The following ERBB2 variants were observed in gnomAD, a reference collection of about 807,000 sequenced individuals.
ERBB2 encodes erb-b2 receptor tyrosine kinase 2.
ERBB2 carries 61 observed loss-of-function variants against 149.0 expected under a neutral mutation model. That is an observed-to-expected ratio of 0.41 (90% CI 0.33 to 0.51). The LOEUF is 0.51. ERBB2 is among the 20% of genes least tolerant of loss of function. ERBB2 has a pLI of 0.25. For synonymous variants in ERBB2, 633 were observed against 678.8 expected (o/e 0.93, Z 1.05); for missense variants, 1,205 against 1,655.1 (o/e 0.73, Z 4.72).
At chr17:39,694,324 C>T (rs1270064082), upstream of ERBB2, among the ~76,000 whole-genome samples, 11 of 110,862 alleles carry the variant, frequency 9.9e-5, 1 homozygote, top group South Asian at 5.9e-4. Context: ...TACACACACA[C>T]ATATATATGT....
At chr17:39,717,212 CT>C (rs1354151727) in intron 14 of ERBB2, 107 bp from the exon 15 acceptor site, 2 of 886,926 alleles carry the variant, frequency 2.3e-6, no homozygotes, top group African/African-American at 3.4e-5. Context: ...GCGAAAATTG[CT>C]GCTGGGTGGC....
intron 9 of ERBB2, among the ~76,000 whole-genome samples, chr17:39,714,262 C>A (rs2058988221): frequency 6.6e-6 from 1 of 152,088 alleles, no homozygotes; most frequent in Admixed American, 6.6e-5. Flanking sequence ...ACTGTCTGCA[C>A]CTTGCTTTGA....
chr17:39,691,894 GATATAGATATAT>G (rs1490082157), upstream of ERBB2, among the ~76,000 whole-genome samples: 13 of 126,590 alleles, frequency 1.0e-4, no homozygotes, highest in African/African-American at 3.9e-4. Flanking sequence ...TATAGATATA[GATATAGATATAT>G]ATACATATAC....
chr17:39,700,264 G>T lies in ERBB2; in HGVS notation c.26G>T (p.Trp9Leu). The T allele has an allele frequency of 6.9e-7, 1 of 1,440,876 alleles. No homozygotes were observed. The allele number at this position is 1,440,876 out of a possible 1,614,324, so 89.3% of individuals were successfully genotyped here. A position where few individuals can be genotyped will look rare whatever the true frequency, so the allele number is the denominator to read the frequency against. The change falls in exon 1 of 27, where the codon TGG becomes TTG. Residue 9 changes from tryptophan (W) to leucine (L), a missense_variant. Transcript: ENST00000269571. MELAALCRWGLLLALLPPG... is the reference protein window; with the variant it reads MELAALCRLGLLLALLPPG... ...ATGGAGCTGGCGGCCTTGTGCCGCTGGGGGCTCCTCCTCGCCCTCTTGCCC... is the reference window on the plus strand; with the variant it reads ...ATGGAGCTGGCGGCCTTGTGCCGCTTGGGGCTCCTCCTCGCCCTCTTGCCC...
intron 16 of ERBB2, among the ~76,000 whole-genome samples, chr17:39,721,506 TCA>T (rs2059451883): frequency 6.6e-6 from 1 of 152,068 alleles, no homozygotes; most frequent in Non-Finnish European, 1.5e-5. Flanking sequence ...ACTGCTGACC[TCA>T]GGTGATCCAC....
In ERBB2 at chr17:39,727,063, T is replaced by TA. The variant is rs2143201327; in HGVS notation, c.3159+61dup. ...CTTACCTCCCCCAACCCCGGTGGAC[T>TA]AGGGTCCCTTTCTCTGATGTTCCCT... is the stretch of plus-strand genomic sequence containing the variant. On this transcript the variant is annotated intron_variant, in intron 25 of 26. Coordinates refer to ENST00000269571, the MANE Select transcript of ERBB2 (RefSeq NM_004448.4). The surrounding 1 kb of genome is among the most constrained non-coding windows in gnomAD (Gnocchi z 4.3). The TA allele has an allele frequency of 7.0e-7, 1 of 1,438,500 alleles. No individual in the cohort carries two copies. Among genetic ancestry groups the TA allele is most frequent in the Non-Finnish European group, 9.4e-7 (1 of 1,065,754 alleles). The allele number at this position is 1,438,500 out of a possible 1,614,324, so 89.1% of individuals were successfully genotyped here. A position where few individuals can be genotyped will look rare whatever the true frequency, so the allele number is the denominator to read the frequency against.
rs775687641 is a variant in ERBB2 at position 39,728,032 on chromosome 17, C to G, written c.3756C>G (p.Asp1252Glu). The G allele has an allele frequency of 1.3e-6, 2 of 1,590,740 alleles. No homozygotes were observed. The highest frequency in any genetic ancestry group is 1.7e-6 in the Non-Finnish European group (2 of 1,169,466). Residue 1252 changes from aspartate (D) to glutamate (E), a missense_variant, in exon 27 of 27, where the codon GAC becomes GAG. Physicochemically the swap from Asp to Glu is conservative, Grantham distance 45. Transcript: ENST00000269571. ...TAENPEYLGL[D>E]VPV The stretch of plus-strand genomic sequence containing the variant: ...AGAACCCAGAGTACCTGGGTCTGGA[C>G]GTGCCAGTGTGAACCAGAAGGCCAA...
Position 39,712,305 on chromosome 17 carries a change from C to A in ERBB2, c.1022-17C>A, listed in dbSNP as rs4252626. On this transcript the variant is annotated splice_polypyrimidine_tract_variant and intron_variant, in intron 8 of 26. Transcript: ENST00000269571. Reference sequence around the variant, plus strand: ...AGGCTGAGACGGCCCCTTCCCCACCCACCCCCACCTCCTCAGTGTGCTATG... The same window carrying A: ...AGGCTGAGACGGCCCCTTCCCCACCAACCCCCACCTCCTCAGTGTGCTATG... 1 of 1,612,770 alleles carries A rather than the reference C, an allele frequency of 6.2e-7. No individual in the cohort carries two copies. Among genetic ancestry groups the A allele is most frequent in the South Asian group, 1.1e-5 (1 of 90,898 alleles).
rs953143516 is a variant in ERBB2, at chr17:39,727,351, G to C, written c.3216G>C (p.Arg1072Ser). ...AGCCCTCTGAAGAGGAGGCCCCCAGGTCTCCACTGGCACCCTCCGAAGGGG... is the reference window on the plus strand; with the variant it reads ...AGCCCTCTGAAGAGGAGGCCCCCAGCTCTCCACTGGCACCCTCCGAAGGGG... ...GLEPSEEEAP[R>S]SPLAPSEGAG... Residue 1072 changes from arginine to serine, a missense_variant, in exon 26 of 27, where the codon AGG becomes AGC. Arg to Ser is a moderately radical substitution (Grantham distance 110, BLOSUM62 -1). This residue lies in a region of ERBB2 where 312 missense variants were observed against 343.8 expected (regional missense o/e 0.91). Transcript: ENST00000269571. This position sits in a 1 kb window ranked among gnomAD's most constrained non-coding sequence, Gnocchi z 4.3. 1 of 1,612,090 alleles carries C rather than the reference G, an allele frequency of 6.2e-7. No homozygotes were observed. The highest frequency in any genetic ancestry group is 1.3e-5 in the African/African-American group (1 of 74,748).
chr17:39,709,660 C>T (rs1188899045), intron 4 of ERBB2, among the ~76,000 whole-genome samples, 153 bp from the exon 5 acceptor site: 2 of 152,220 alleles, frequency 1.3e-5, no homozygotes, highest in East Asian at 3.8e-4. Flanking sequence ...GGTTGTGCCT[C>T]TGGTTTGGGG....
rs2145672949 is a variant in ERBB2, at chr17:39,716,287, C to T, written c.1514-14C>T. 6.4e-7 allele frequency: 1 copy of T among 1,571,840 alleles called. No individual in the cohort carries two copies. Among genetic ancestry groups the T allele is most frequent in the Non-Finnish European group, 8.6e-7 (1 of 1,162,262 alleles). On this transcript the variant is annotated splice_polypyrimidine_tract_variant and intron_variant, in intron 12 of 26. Coordinates refer to ENST00000269571, the MANE Select transcript of ERBB2 (RefSeq NM_004448.4). Reference sequence around the variant, plus strand: ...CCCTAAAAGTCCCCTGCGGTCCCTTCCTCCTCACTGCAGTGGGCGAGGGCC... The same window carrying T: ...CCCTAAAAGTCCCCTGCGGTCCCTTTCTCCTCACTGCAGTGGGCGAGGGCC...
chr17:39,726,384 G>C lies in ERBB2; in HGVS notation c.2873-178G>C. 1 of 602,038 alleles carries C rather than the reference G, an allele frequency of 1.7e-6. No homozygotes were observed. The highest frequency in any genetic ancestry group is 2.1e-5 in the South Asian group (1 of 48,144). The allele number at this position is 602,038 out of a possible 1,614,324, so 37.3% of individuals were successfully genotyped here. A position where few individuals can be genotyped will look rare whatever the true frequency, so the allele number is the denominator to read the frequency against. ...AAAAAAAAAATTAAAAGGGAAACTA[G>C]AAGAGATGCCAAAGGTTCTGGCTGA... On this transcript the variant is annotated intron_variant, in intron 23 of 26. Coordinates refer to ENST00000269571, the MANE Select transcript of ERBB2 (RefSeq NM_004448.4). The surrounding 1 kb of genome is among the most constrained non-coding windows in gnomAD (Gnocchi z 5.1).
Position 39,723,719 on chromosome 17 carries a change from T to C in ERBB2, c.2208+59T>C, listed in dbSNP as rs1597884693. The stretch of plus-strand genomic sequence containing the variant: ...AGGATGGGGGCGGTGCCTGGAGGGG[T>C]GTGGTCGGCAGTTCTGATGGGAGGG... On this transcript the variant is annotated intron_variant, in intron 18 of 26. Transcript: ENST00000269571. This position sits in a 1 kb window ranked among gnomAD's most constrained non-coding sequence, Gnocchi z 6.2. 3.2e-6 allele frequency: 5 copies of C among 1,565,410 alleles called. No individual in the cohort carries two copies. The highest frequency in any genetic ancestry group is 4.3e-6 in the Non-Finnish European group (5 of 1,154,608).
upstream of ERBB2, among the ~76,000 whole-genome samples, chr17:39,691,934 C>CATATACATAT (rs564472045): frequency 8.4e-3 from 1,017 of 120,820 alleles, 17 homozygotes; most frequent in Middle Eastern, 0.07. Context: ...TATACATATA[C>CATATACATAT]ATATATATAT....
In ERBB2 at chr17:39,725,834, C is replaced by A. The variant is rs2059725086; in HGVS notation, c.2853C>A (p.Val951=). 1.9e-6 allele frequency: 3 copies of A among 1,613,942 alleles called. No individual in the cohort carries two copies. The highest frequency in any genetic ancestry group is 2.5e-6 in the Non-Finnish European group (3 of 1,179,954). Residue 951 remains valine, a synonymous_variant, in exon 23 of 27, where the codon GTC becomes GTA. Transcript: ENST00000269571. This position sits in a 1 kb window ranked among gnomAD's most constrained non-coding sequence, Gnocchi z 4.6. ...AGCCCCCCATCTGCACCATTGATGT[C>A]TACATGATCATGGTCAAATGTGCGT... ...LPQPPICTID[V]YMIMVKCWMI...
At chr17:39,716,861 C>A in intron 14 of ERBB2, 1 of 534,036 alleles carries the variant, frequency 1.9e-6, no homozygotes, top group Non-Finnish European at 3.4e-6. Flanking sequence ...GGGTGGTGAG[C>A]CCTGTGGGCT....
At chr17:39,721,150 A>G (rs955217838) in intron 16 of ERBB2, among the ~76,000 whole-genome samples, 2 of 150,612 alleles carry the variant, frequency 1.3e-5, no homozygotes, top group African/African-American at 2.4e-5. Context: ...GGGTCTCACT[A>G]TGTTGCCCGA....
At chr17:39,705,203 ATTG>A (rs565034463) in intron 1 of ERBB2, among the ~76,000 whole-genome samples, 27 of 151,436 alleles carry the variant, frequency 1.8e-4, no homozygotes, top group African/African-American at 6.3e-4. Flanking sequence ...CCCACTCCCC[ATTG>A]TTGTTGTTTT....
intron 16 of ERBB2, 128 bp downstream of exon 16, chr17:39,719,962 C>T: frequency 1.2e-6 from 1 of 849,350 alleles, no homozygotes; most frequent in Admixed American, 2.0e-5. Flanking sequence ...CACTGTGGAA[C>T]CTCCTGTCAT....
Sources: allele counts gnomAD v4.1 joint callset (sites outside exome capture counted in the v4.1 genomes callset), GRCh38; gene constraint gnomAD v4.1.1; regional missense constraint gnomAD v4.1.1; non-coding constraint Gnocchi (gnomAD v3.1); transcripts MANE v1.5; gene names NCBI Gene and HGNC (gene_info 2026-07-23, HGNC 2026-07-21).